The following SFMBT2 variants were observed in gnomAD, a reference collection of about 807,000 sequenced individuals.
SFMBT2 encodes Scm like with four mbt domains 2, also known as scm-like with four MBT domains protein 2.
In SFMBT2, 38 loss-of-function variants were observed where a neutral mutation model predicts 110.1. The observed-to-expected ratio is 0.35, with a 90% CI of 0.27 to 0.45. The LOEUF (loss-of-function observed/expected upper bound fraction) is 0.45. Ranked by LOEUF, SFMBT2 falls within the 20% of genes least tolerant of loss-of-function variation. The pLI, the probability that SFMBT2 is intolerant of heterozygous loss-of-function variation, is 1.00. For synonymous variants in SFMBT2, 425 were observed against 425.4 expected, an observed-to-expected ratio of 1.00 and a Z score of 0.01; for missense variants, 1,011 against 1,094.9, an observed-to-expected ratio of 0.92 and a Z score of 1.08.
At chr10:7,362,108 C>T (rs2132038142) in intron 4 of SFMBT2, among the ~76,000 whole-genome samples, 1 of 152,304 alleles carries the variant, frequency 6.6e-6, no homozygotes, top group East Asian at 1.9e-4. Context: ...TTTTGCTCCA[C>T]TAATAAGAGC....
At chr10:7,319,027 G>A (rs1273210265) in intron 4 of SFMBT2, among the ~76,000 whole-genome samples, 1 of 152,214 alleles carries the variant, frequency 6.6e-6, no homozygotes, top group African/African-American at 2.4e-5. Flanking sequence ...CTGGAGCAGG[G>A]CCACACGAGG....
At chr10:7,336,407 T>C (rs1033152901) in intron 4 of SFMBT2, among the ~76,000 whole-genome samples, 18 of 152,160 alleles carry the variant, frequency 1.2e-4, no homozygotes, top group African/African-American at 3.9e-4. Flanking sequence ...AAGGCAACTT[T>C]TGGAGAATGT....
intron 4 of SFMBT2, among the ~76,000 whole-genome samples, chr10:7,329,849 C>T (rs973896343): frequency 7.9e-5 from 12 of 152,188 alleles, no homozygotes; most frequent in African/African-American, 2.2e-4. Flanking sequence ...GGAAGTCACC[C>T]GAGGTCACTC....
intron 15 of SFMBT2, 41 bp from the exon 16 acceptor site, chr10:7,188,774 T>G: frequency 6.6e-7 from 1 of 1,520,682 alleles, no homozygotes; most frequent in Non-Finnish European, 9.1e-7. Context: ...TGCAATTGCA[T>G]TCATTCCTAC....
intron 16 of SFMBT2, among the ~76,000 whole-genome samples, chr10:7,177,645 G>A (rs938440645): frequency 3.3e-5 from 5 of 152,248 alleles, no homozygotes; most frequent in African/African-American, 1.2e-4. Context: ...CAGGAGGACT[G>A]CTAGAGCCCA....
At chr10:7,368,371 T>C (rs766207777) in intron 3 of SFMBT2, 11 of 985,288 alleles carry the variant, frequency 1.1e-5, no homozygotes, top group African/African-American at 3.5e-5. Context: ...GGTGATAGTC[T>C]GTTGATATCT....
chr10:7,364,697 C>T (rs1844834880), intron 4 of SFMBT2, among the ~76,000 whole-genome samples: 1 of 152,202 alleles, frequency 6.6e-6, no homozygotes, highest in South Asian at 2.1e-4. Flanking sequence ...GATGGTAAAA[C>T]CGTCGGCAAC....
chr10:7,367,638 C>G lies in SFMBT2; in HGVS notation c.436+11G>C. 6.2e-7 allele frequency: 1 copy of G among 1,603,114 alleles called. No homozygotes were observed. The highest frequency in any genetic ancestry group is 8.5e-7 in the Non-Finnish European group (1 of 1,172,738). On this transcript the variant is annotated intron_variant, in intron 4 of 20. Coordinates refer to ENST00000397167, the MANE Select transcript of SFMBT2 (RefSeq NM_001387889.1). This position sits in a 1 kb window ranked among gnomAD's most constrained non-coding sequence, Gnocchi z 6.2. ...GGCTCGTAAATCGAAGCCTTTGAAA[C>G]AGGGGCTCACCGTCCGGCGGCATCA...
chr10:7,368,984 C>A (rs1441923644), intron 3 of SFMBT2, among the ~76,000 whole-genome samples: 2 of 152,044 alleles, frequency 1.3e-5, no homozygotes, highest in Non-Finnish European at 2.9e-5. Flanking sequence ...ATCTTAAATT[C>A]CTTTTGGAAA....
intron 7 of SFMBT2, among the ~76,000 whole-genome samples, chr10:7,267,305 T>G (rs1001844614): frequency 6.6e-6 from 1 of 152,204 alleles, no homozygotes; most frequent in Non-Finnish European, 1.5e-5. Flanking sequence ...CCTATAACCA[T>G]GAGTGTAATG....
intron 4 of SFMBT2, among the ~76,000 whole-genome samples, chr10:7,332,345 A>G (rs1843587212): frequency 1.3e-5 from 2 of 152,256 alleles, no homozygotes. Flanking sequence ...AGACAAAAAC[A>G]GGGCTCACCC....
chr10:7,281,787 T>C (rs1408231812), intron 6 of SFMBT2, among the ~76,000 whole-genome samples: 4 of 152,234 alleles, frequency 2.6e-5, no homozygotes, highest in Non-Finnish European at 5.9e-5. Context: ...ACCTTTCCTG[T>C]TGATGATTTA....
Position 7,369,648 on chromosome 10 carries a change from T to A in SFMBT2, c.195+633A>T, listed in dbSNP as rs761928849. Among the ~76,000 whole-genome samples, 90 of 152,356 alleles carry A rather than the reference T, an allele frequency of 5.9e-4. 1 individual carries two copies. The highest frequency in any genetic ancestry group is 1.2e-3 in the Non-Finnish European group (80 of 68,040). On this transcript the variant is annotated intron_variant, in intron 3 of 20. Coordinates refer to ENST00000397167, the MANE Select transcript of SFMBT2 (RefSeq NM_001387889.1). ...CCAATAAATGGCTGGAAATCTTTTATGAGCTTTTTCAAAATCAAAATATTA... is the reference window on the plus strand; with the variant it reads ...CCAATAAATGGCTGGAAATCTTTTAAGAGCTTTTTCAAAATCAAAATATTA...
chr10:7,213,099 G>A lies in SFMBT2; in HGVS notation c.1331-7171C>T, dbSNP rs187276200. Among the ~76,000 whole-genome samples the A allele has an allele frequency of 9.9e-5, 15 of 152,228 alleles. 1 individual carries two copies. Among genetic ancestry groups the A allele is most frequent in the Middle Eastern group, 3.4e-3 (1 of 294 alleles). The stretch of plus-strand genomic sequence containing the variant: ...CTGTCAAGGGGTGGGGGTAAGGGGA[G>A]GGAGAGCATTAGGACAAATACCTAA... On this transcript the variant is annotated intron_variant, in intron 11 of 20. Coordinates refer to ENST00000397167, the MANE Select transcript of SFMBT2 (RefSeq NM_001387889.1).
intron 4 of SFMBT2, among the ~76,000 whole-genome samples, chr10:7,358,336 A>C (rs1844592222): frequency 6.6e-6 from 1 of 151,964 alleles, no homozygotes; most frequent in Non-Finnish European, 1.5e-5. Flanking sequence ...GAACATCTGC[A>C]TGGCCCTGTG....
intron 4 of SFMBT2, among the ~76,000 whole-genome samples, chr10:7,344,232 G>A (rs996993336): frequency 1.3e-5 from 2 of 152,144 alleles, no homozygotes; most frequent in African/African-American, 4.8e-5. Context: ...AGTTCCGTGT[G>A]GGTGGACAAC....
intron 9 of SFMBT2, among the ~76,000 whole-genome samples, chr10:7,239,504 CCG>C (rs1840368226): frequency 6.6e-6 from 1 of 152,118 alleles, no homozygotes; most frequent in Admixed American, 6.6e-5. Flanking sequence ...CAAAAGGAAA[CCG>C]TAAAACACCA....
At position 7,408,278 on chromosome 10, in the gene SFMBT2, G is replaced by A. The variant is rs1165419280; in HGVS notation, c.-52+2583C>T. Among the ~76,000 whole-genome samples, 1 of 152,218 alleles carries A rather than the reference G, an allele frequency of 6.6e-6. No individual in the cohort carries two copies. The highest frequency in any genetic ancestry group is 1.5e-5 in the Non-Finnish European group (1 of 68,042). ...CTGGAGGAGCCACGGACGCGTCCTG[G>A]CCGGCGTGTCGCCATCGTTCAGCCT... is the stretch of plus-strand genomic sequence containing the variant. On this transcript the variant is annotated intron_variant, in intron 1 of 20. Transcript: ENST00000397167. The surrounding 1 kb of genome is among the most constrained non-coding windows in gnomAD (Gnocchi z 5.7).
chr10:7,196,054 C>G (rs1838756432), intron 15 of SFMBT2, among the ~76,000 whole-genome samples: 1 of 152,278 alleles, frequency 6.6e-6, no homozygotes, highest in East Asian at 1.9e-4. Flanking sequence ...TCTGACTTCC[C>G]TTCAATGGCC....
Sources: allele counts gnomAD v4.1 joint callset (sites outside exome capture counted in the v4.1 genomes callset), GRCh38; gene constraint gnomAD v4.1.1; non-coding constraint Gnocchi (gnomAD v3.1); transcripts MANE v1.5; gene names NCBI Gene and HGNC (gene_info 2026-07-23, HGNC 2026-07-21).